NAV2: variants seen among roughly 807,000 people sequenced by gnomAD.
NAV2 encodes helicase, APC down-regulated 1.
In NAV2, 54 loss-of-function variants were observed where a neutral mutation model predicts 223.2. The observed-to-expected ratio is 0.24, with a 90% CI of 0.19 to 0.30. NAV2 has a LOEUF of 0.30. Among genes scored for constraint, NAV2 ranks in the 10% least tolerant of loss-of-function variants. NAV2 has a pLI of 1.00. For missense variants in NAV2, 2,806 were observed against 3,147.5 expected (o/e 0.89, Z 2.60); for synonymous variants, 1,279 against 1,239.3 (o/e 1.03, Z -0.67).
chr11:19,978,650 G>GT (rs141841202), intron 10 of NAV2: 1 of 110,776 alleles, frequency 9.0e-6, no homozygotes, highest in Admixed American at 8.9e-5. Flanking sequence ...CATCTGAGAG[G>GT]TTTTTTTTTT....
intron 5 of NAV2, among the ~76,000 whole-genome samples, chr11:19,886,012 G>A (rs1227984358): frequency 6.6e-6 from 1 of 152,112 alleles, no homozygotes; most frequent in African/African-American, 2.4e-5. Context: ...TTTTTGTCCA[G>A]TTCTGATACT....
upstream of NAV2, among the ~76,000 whole-genome samples, chr11:19,349,542 G>A (rs1304370308): frequency 6.6e-6 from 1 of 152,150 alleles, no homozygotes; most frequent in African/African-American, 2.4e-5. Context: ...CAGCTCTCCC[G>A]GAGGCTGGCA....
At chr11:19,641,113 C>T (rs1235899591) in intron 1 of NAV2, among the ~76,000 whole-genome samples, 1 of 152,176 alleles carries the variant, frequency 6.6e-6, no homozygotes, top group East Asian at 1.9e-4. Flanking sequence ...AGACAGGCCC[C>T]TGTGGTAGCT....
chr11:19,674,417 A>G (rs78380236), intron 1 of NAV2, among the ~76,000 whole-genome samples: 2 of 152,168 alleles, frequency 1.3e-5, no homozygotes, highest in Non-Finnish European at 2.9e-5. Flanking sequence ...CCCAAGTAGC[A>G]ATTTTTTTTC....
chr11:19,492,245 G>A (rs561007358), intron 1 of NAV2, among the ~76,000 whole-genome samples: 1 of 151,928 alleles, frequency 6.6e-6, no homozygotes, highest in South Asian at 2.1e-4. Context: ...CAGTGGATTT[G>A]CTAGACATAG....
chr11:20,081,076 T>C (rs1384843851), intron 25 of NAV2, among the ~76,000 whole-genome samples: 1 of 152,234 alleles, frequency 6.6e-6, no homozygotes, highest in Non-Finnish European at 1.5e-5. Context: ...TCATTCATTC[T>C]GTACACTTCT....
At position 19,664,871 on chromosome 11, in the gene NAV2, C is replaced by T. The variant is rs140510237; in HGVS notation, c.76-167613C>T. Among the ~76,000 whole-genome samples, 263 of 152,328 alleles carry T rather than the reference C, an allele frequency of 1.7e-3. 1 individual carries two copies. Among genetic ancestry groups the T allele is most frequent in the African/African-American group, 6.2e-3 (256 of 41,564 alleles). On this transcript the variant is annotated intron_variant, in intron 1 of 37. Coordinates refer to the NAV2 transcript ENST00000360655. ...TGCTAGACATATTTATATTCACTCT[C>T]GCATTCCATCCTCAGGGCAGGGTGT...
intron 36 of NAV2, among the ~76,000 whole-genome samples, chr11:20,112,645 G>T (rs76034120): frequency 1.3e-5 from 2 of 152,180 alleles, no homozygotes; most frequent in Non-Finnish European, 2.9e-5. Flanking sequence ...GCTGAGTCAC[G>T]TGGCTCACAT....
chr11:19,504,576 G>A (rs768459453), intron 1 of NAV2, among the ~76,000 whole-genome samples: 2 of 152,160 alleles, frequency 1.3e-5, no homozygotes, highest in Non-Finnish European at 2.9e-5. Flanking sequence ...GTGAAAGGTG[G>A]AGCTATCCTA....
chr11:19,686,972 C>A (rs7104436), intron 1 of NAV2, among the ~76,000 whole-genome samples: 129,926 of 151,862 alleles, frequency 0.86, 56,310 homozygotes, highest in Middle Eastern at 0.94. Flanking sequence ...GAGGAAACTG[C>A]AGATTAGAAA....
intron 1 of NAV2, among the ~76,000 whole-genome samples, chr11:19,386,508 A>C (rs1305351721): frequency 1.3e-5 from 2 of 152,226 alleles, no homozygotes; most frequent in African/African-American, 2.4e-5. Flanking sequence ...GTGGAGGCAT[A>C]AGATGCACTC....
intron 1 of NAV2, among the ~76,000 whole-genome samples, chr11:19,542,747 A>G (rs2044374414): frequency 1.3e-5 from 2 of 152,270 alleles, no homozygotes; most frequent in South Asian, 4.1e-4. Context: ...CCTATAAAAT[A>G]TTCTACAGGT....
chr11:19,763,703 T>G (rs1257679413), intron 1 of NAV2, among the ~76,000 whole-genome samples: 1 of 151,598 alleles, frequency 6.6e-6, no homozygotes, highest in Non-Finnish European at 1.5e-5. Context: ...GGGAGACTGT[T>G]AAGGAAAAAA....
chr11:19,539,110 C>G (rs2044269308), intron 1 of NAV2, among the ~76,000 whole-genome samples: 1 of 152,158 alleles, frequency 6.6e-6, no homozygotes. Context: ...TTCTGTGATG[C>G]CCAGGCAGCC....
intron 11 of NAV2, among the ~76,000 whole-genome samples, chr11:20,026,255 C>G (rs1180816180): frequency 2.0e-5 from 3 of 152,062 alleles, no homozygotes; most frequent in African/African-American, 7.2e-5. Flanking sequence ...AAGCTGGTCC[C>G]AGAGCTGTAG....
At chr11:19,527,759 A>G (rs946752986) in intron 1 of NAV2, among the ~76,000 whole-genome samples, 3 of 152,134 alleles carry the variant, frequency 2.0e-5, no homozygotes, top group Admixed American at 2.0e-4. Context: ...CTTAGGGTCC[A>G]CACACTTGGA....
At chr11:19,487,100 A>G (rs2042469050) in intron 1 of NAV2, among the ~76,000 whole-genome samples, 1 of 152,182 alleles carries the variant, frequency 6.6e-6, no homozygotes, top group African/African-American at 2.4e-5. Context: ...GGGCCTCTTT[A>G]TCTAGAAAAT....
intron 11 of NAV2, among the ~76,000 whole-genome samples, chr11:20,003,718 A>G (rs1444623962): frequency 6.6e-6 from 1 of 152,140 alleles, no homozygotes; most frequent in Admixed American, 6.5e-5. Context: ...ACCTACCTGC[A>G]CACCTCCCAC....
intron 1 of NAV2, among the ~76,000 whole-genome samples, chr11:19,707,788 A>G (rs143835300): frequency 2.6e-4 from 40 of 152,348 alleles, no homozygotes; most frequent in African/African-American, 9.4e-4. Flanking sequence ...GCAGCACAGT[A>G]TCACCACAAA....
Sources: allele counts gnomAD v4.1 joint callset (sites outside exome capture counted in the v4.1 genomes callset), GRCh38; gene constraint gnomAD v4.1.1; transcripts MANE v1.5; gene names NCBI Gene and HGNC (gene_info 2026-07-23, HGNC 2026-07-21).